The following KCNC4 variants were observed in gnomAD, a reference collection of about 807,000 sequenced individuals.
The protein encoded by KCNC4 is potassium voltage-gated channel subfamily C member 4, also known as voltage-gated potassium channel KCNC4.
A neutral mutation model predicts 42.8 loss-of-function variants in KCNC4; 23 were observed. The ratio of observed to expected loss-of-function variants is 0.54; its 90% confidence interval spans 0.39 to 0.76. The LOEUF is 0.76. Ranked by LOEUF, KCNC4 falls within the 30% of genes least tolerant of loss-of-function variation. The pLI is 0.00. For missense variants in KCNC4, 751 were observed against 898.2 expected, an observed-to-expected ratio of 0.84 and a Z score of 2.10; for synonymous variants, 422 against 393.5, an observed-to-expected ratio of 1.07 and a Z score of -0.86.
rs1459127872 is a variant in KCNC4 at position 110,211,329 on chromosome 1, C to T, written c.-171C>T. 3 of 980,890 alleles carry T rather than the reference C, an allele frequency of 3.1e-6. No homozygotes were observed. The highest frequency in any genetic ancestry group is 5.3e-5 in the East Asian group (2 of 37,848). The allele number at this position is 980,890 out of a possible 1,614,324, so 60.8% of individuals were successfully genotyped here. ...TGTACCGGAGAAATCCAACTCCTCC[C>T]GCTCCGCGTCCTAGGGGGATAGGCA... On this transcript the variant is annotated 5_prime_UTR_variant, in exon 1 of 4. Coordinates refer to ENST00000438661, the MANE Select transcript of KCNC4 (RefSeq NM_001039574.3). The surrounding 1 kb of genome is among the most constrained non-coding windows in gnomAD (Gnocchi z 6.5).
At chr1:110,232,415 G>A in intron 3 of KCNC4, 1 of 1,511,608 alleles carries the variant, frequency 6.6e-7, no homozygotes, top group African/African-American at 1.4e-5. Context: ...GAGCTACTTG[G>A]GGGAGAGCTC....
rs778201905 is a variant in KCNC4, at chr1:110,223,049, G to A, written c.764G>A (p.Arg255His). ...ACCCATGAGGCCTTTAATATCGACC[G>A]CAACGTGACAGAGATCCTCCGCGTA... ...LETHEAFNID[R>H]NVTEILRVGN... The change falls in exon 2 of 4, where the codon CGC (arginine) becomes CAC (histidine). Residue 255 changes from arginine (R) to histidine (H), a missense_variant. Coordinates refer to ENST00000438661, the MANE Select transcript of KCNC4 (RefSeq NM_001039574.3). The surrounding 1 kb of genome is among the most constrained non-coding windows in gnomAD (Gnocchi z 7.5). The A allele has an allele frequency of 9.9e-6, 16 of 1,613,918 alleles. No homozygotes were observed. The highest frequency in any genetic ancestry group is 7.7e-5 in the South Asian group (7 of 91,076).
At chr1:110,273,786 T>G (rs1659673571) in intron 1 of KCNC4, among the ~76,000 whole-genome samples, 1 of 152,182 alleles carries the variant, frequency 6.6e-6, no homozygotes, top group Non-Finnish European at 1.5e-5. Context: ...ATAAAGCCAC[T>G]CACCTAGGAG....
chr1:110,228,068 T>C (rs1402710791), intron 3 of KCNC4, among the ~76,000 whole-genome samples: 1 of 152,114 alleles, frequency 6.6e-6, no homozygotes, highest in African/African-American at 2.4e-5. Flanking sequence ...GCGTGGCAGT[T>C]AACATTGCCA....
intron 1 of KCNC4, among the ~76,000 whole-genome samples, chr1:110,264,075 A>G (rs1659499522): frequency 6.6e-6 from 1 of 152,170 alleles, no homozygotes; most frequent in Non-Finnish European, 1.5e-5. Context: ...CAGTAAAGCC[A>G]AACACTGACA....
chr1:110,211,424 C>G lies in KCNC4; in HGVS notation c.-76C>G. On this transcript the variant is annotated 5_prime_UTR_variant, in exon 1 of 4. Transcript: ENST00000438661. The surrounding 1 kb of genome is among the most constrained non-coding windows in gnomAD (Gnocchi z 6.5). ...TCCTCTTCGTCTCCTCCCCCTCCCC[C>G]GTCTGACGCTGCCTCCTCGGGAAGG... is the stretch of plus-strand genomic sequence containing the variant. 1 of 1,502,492 alleles carries G rather than the reference C, an allele frequency of 6.7e-7. No homozygotes were observed. 93.1% of individuals were successfully genotyped at this position (1,502,492 alleles called of 1,614,324 possible). A position where few individuals can be genotyped will look rare whatever the true frequency, so the allele number is the denominator to read the frequency against.
At chr1:110,224,165 A>G (rs372959698) in intron 2 of KCNC4, 17 of 439,948 alleles carry the variant, frequency 3.9e-5, no homozygotes, top group African/African-American at 2.5e-4. Context: ...GCTGTATATT[A>G]GATGCCCTGG....
At chr1:110,282,399 C>T (rs1018151615) in intron 1 of KCNC4, 1 of 152,214 alleles carries the variant, frequency 6.6e-6, no homozygotes, top group African/African-American at 2.4e-5. Flanking sequence ...TAGGGAGGAG[C>T]GAGGCTCTTA....
At chr1:110,231,209 G>C (rs1469489906) in intron 3 of KCNC4, among the ~76,000 whole-genome samples, 1 of 152,204 alleles carries the variant, frequency 6.6e-6, no homozygotes, top group Non-Finnish European at 1.5e-5. Context: ...TGGCTGACAG[G>C]AGCCAGAGGG....
At chr1:110,228,201 C>G (rs534760618) in intron 3 of KCNC4, among the ~76,000 whole-genome samples, 1 of 152,182 alleles carries the variant, frequency 6.6e-6, no homozygotes. Flanking sequence ...GCCCATGTAT[C>G]AGAGTGTCAG....
chr1:110,244,400 C>G (rs1209665531), exon 4 of KCNC4: 1 of 148,078 alleles, frequency 6.8e-6, no homozygotes, highest in African/African-American at 2.5e-5. Context: ...AATAACAAAA[C>G]CCAGTTCCAG....
chr1:110,260,167 C>G (rs1659400008), intron 1 of KCNC4, among the ~76,000 whole-genome samples: 1 of 152,128 alleles, frequency 6.6e-6, no homozygotes, highest in Non-Finnish European at 1.5e-5. Flanking sequence ...CTGAGAAGTC[C>G]CTGAGAATTA....
At chr1:110,282,471 G>T (rs1485671401) in intron 1 of KCNC4, 1 of 152,200 alleles carries the variant, frequency 6.6e-6, no homozygotes, top group Non-Finnish European at 1.5e-5. Context: ...TACCTTAGGG[G>T]TGCTTGAGTG....
intron 1 of KCNC4, among the ~76,000 whole-genome samples, chr1:110,265,524 GC>G (rs1198652574): frequency 3.3e-5 from 5 of 152,170 alleles, no homozygotes; most frequent in Non-Finnish European, 7.3e-5. Context: ...AGTCATCCAG[GC>G]CCCTGTTCCC....
exon 4 of KCNC4, chr1:110,248,317 G>T (rs578207370): frequency 6.6e-6 from 1 of 152,276 alleles, no homozygotes; most frequent in African/African-American, 2.4e-5. Context: ...TTATACCCCT[G>T]GTTCACATTA....
downstream of KCNC4, among the ~76,000 whole-genome samples, chr1:110,249,754 A>G (rs1474499761): frequency 6.6e-6 from 1 of 152,222 alleles, no homozygotes; most frequent in Non-Finnish European, 1.5e-5. Context: ...CCAAATAGAC[A>G]TAACATAAAT....
intron 1 of KCNC4, chr1:110,222,663 G>A (rs796628272): frequency 2.5e-5 from 9 of 356,460 alleles, no homozygotes; most frequent in African/African-American, 6.1e-5. Context: ...ATGCAAATGG[G>A]TCAGAGGTGG....
chr1:110,255,641 G>C (rs537442577), intron 1 of KCNC4, among the ~76,000 whole-genome samples: 31 of 152,088 alleles, frequency 2.0e-4, no homozygotes, highest in Non-Finnish European at 3.5e-4. Context: ...CAAAAGCAAG[G>C]GTTGCCATGG....
rs1657404278 is a variant in KCNC4, at chr1:110,210,932, C to T, written c.-568C>T. On this transcript the variant is annotated 5_prime_UTR_variant, in exon 1 of 4. Transcript: ENST00000438661. The stretch of plus-strand genomic sequence containing the variant: ...GCCGCCGCCGCCGCCTCGTGTTGAC[C>T]GCAAGCAGCCCGGGCCCACGGAGCT... 6.6e-6 allele frequency among the ~76,000 whole-genome samples: 1 copy of T among 151,932 alleles called. No individual in the cohort carries two copies. The highest frequency in any genetic ancestry group is 6.5e-5 in the Admixed American group (1 of 15,278).
Sources: allele counts gnomAD v4.1 joint callset (sites outside exome capture counted in the v4.1 genomes callset), GRCh38; gene constraint gnomAD v4.1.1; non-coding constraint Gnocchi (gnomAD v3.1); transcripts MANE v1.5; gene names NCBI Gene and HGNC (gene_info 2026-07-23, HGNC 2026-07-21).